The following CRIM1 variants were observed in gnomAD, a reference collection of about 807,000 sequenced individuals.
CRIM1 encodes the protein cysteine-rich motor neuron 1 protein.
CRIM1 carries 32 observed loss-of-function variants against 116.4 expected under a neutral mutation model. The observed-to-expected ratio is 0.27, with a 90% confidence interval of 0.21 to 0.37. The LOEUF (loss-of-function observed/expected upper bound fraction) is 0.37. CRIM1 is among the 10% of genes least tolerant of loss of function. The pLI, the probability that CRIM1 is intolerant of heterozygous loss-of-function variation, is 1.00. For synonymous variants in CRIM1, 590 were observed against 509.2 expected, an observed-to-expected ratio of 1.16 and a Z score of -2.13; for missense variants, 1,331 against 1,354.8, an observed-to-expected ratio of 0.98 and a Z score of 0.28.
intron 4 of CRIM1, among the ~76,000 whole-genome samples, chr2:36,452,583 C>T (rs1445163897): frequency 2.0e-5 from 3 of 152,130 alleles, no homozygotes; most frequent in Non-Finnish European, 2.9e-5. Flanking sequence ...GAAGTAAAGC[C>T]ATTGCCCATT....
At chr2:36,451,410 T>G (rs1465168735) in intron 4 of CRIM1, among the ~76,000 whole-genome samples, 1 of 152,284 alleles carries the variant, frequency 6.6e-6, no homozygotes, top group African/African-American at 2.4e-5. Context: ...ATATGCCAGC[T>G]TTAAATCCAA....
intron 12 of CRIM1, 26 bp from the exon 13 acceptor site, chr2:36,522,066 G>C: frequency 6.2e-7 from 1 of 1,601,970 alleles, no homozygotes; most frequent in Non-Finnish European, 8.6e-7. Context: ...CATCTTCTTT[G>C]CTGACCTATA....
chr2:36,441,650 T>G (rs1031705501), intron 3 of CRIM1, 150 bp downstream of exon 3: 13 of 973,390 alleles, frequency 1.3e-5, no homozygotes, highest in Non-Finnish European at 1.8e-5. Flanking sequence ...AATGGCAGCT[T>G]GACTTCTGGC....
At chr2:36,377,275 C>T (rs1036135859) in intron 1 of CRIM1, among the ~76,000 whole-genome samples, 4 of 152,226 alleles carry the variant, frequency 2.6e-5, no homozygotes, top group Admixed American at 6.5e-5. Context: ...GCATTTTACC[C>T]ACCTGTATGA....
At chr2:36,538,029 T>A (rs931288287) in intron 14 of CRIM1, among the ~76,000 whole-genome samples, 2 of 152,176 alleles carry the variant, frequency 1.3e-5, no homozygotes, top group Non-Finnish European at 2.9e-5. Flanking sequence ...ACCCATACCA[T>A]CCACGCAGCC....
chr2:36,427,102 A>T (rs916567377), intron 2 of CRIM1, among the ~76,000 whole-genome samples: 1 of 151,888 alleles, frequency 6.6e-6, no homozygotes, highest in African/African-American at 2.4e-5. Flanking sequence ...TCAGGAGGCT[A>T]AGGAAGGAGA....
chr2:36,539,902 A>G (rs1035335473), intron 14 of CRIM1, among the ~76,000 whole-genome samples: 4 of 152,188 alleles, frequency 2.6e-5, no homozygotes, highest in South Asian at 2.1e-4. Flanking sequence ...AAGTTTAGCC[A>G]TAGGTGGTTT....
At chr2:36,515,579 T>C (rs576403354) in intron 11 of CRIM1, among the ~76,000 whole-genome samples, 1 of 152,380 alleles carries the variant, frequency 6.6e-6, no homozygotes, top group South Asian at 2.1e-4. Flanking sequence ...CTTCTTGGGA[T>C]ACATGAGTAT....
intron 13 of CRIM1, among the ~76,000 whole-genome samples, chr2:36,522,813 AAAGAAG>A (rs1323325612): frequency 4.9e-5 from 7 of 142,660 alleles, no homozygotes; most frequent in East Asian, 4.1e-4. Flanking sequence ...AAAAAAAAAA[AAAGAAG>A]AAGAAGAAGA....
At chr2:36,513,855 G>A in intron 11 of CRIM1, 90 bp downstream of exon 11, 3 of 1,184,694 alleles carry the variant, frequency 2.5e-6, no homozygotes, top group African/African-American at 1.5e-5. Context: ...GGGGAGGTTG[G>A]AGGGGACAAC....
chr2:36,449,034 G>GTT, intron 4 of CRIM1, among the ~76,000 whole-genome samples: 1 of 142,190 alleles, frequency 7.0e-6, no homozygotes, highest in African/African-American at 2.6e-5. Context: ...TTTTTGACTT[G>GTT]TTTTTTTTTT....
intron 4 of CRIM1, among the ~76,000 whole-genome samples, chr2:36,457,933 T>G (rs1677273467): frequency 6.6e-6 from 1 of 152,318 alleles, no homozygotes. Flanking sequence ...TGTAGAATCC[T>G]AGTAACACAA....
chr2:36,378,533 A>AT (rs60204094), intron 1 of CRIM1: 78,105 of 335,966 alleles, frequency 0.23, 7,420 homozygotes, highest in East Asian at 0.54. Context: ...GCGGTAAGTC[A>AT]TTTTTTTTTT....
At chr2:36,467,664 G>A (rs557231245) in intron 5 of CRIM1, among the ~76,000 whole-genome samples, 1 of 152,348 alleles carries the variant, frequency 6.6e-6, no homozygotes, top group South Asian at 2.1e-4. Flanking sequence ...CCATAGAATT[G>A]TAAGTAAAAG....
At chr2:36,380,545 G>A (rs892296706) in intron 1 of CRIM1, among the ~76,000 whole-genome samples, 2 of 152,150 alleles carry the variant, frequency 1.3e-5, no homozygotes, top group Non-Finnish European at 2.9e-5. Context: ...GGGTTTGAGC[G>A]CAGAGTCTAC....
intron 13 of CRIM1, among the ~76,000 whole-genome samples, chr2:36,522,589 G>C (rs962480214): frequency 3.9e-5 from 6 of 151,980 alleles, no homozygotes; most frequent in African/African-American, 1.4e-4. Context: ...ATCACTTGAG[G>C]TCAGGAGTTC....
chr2:36,484,962 G>C (rs1679707422), intron 7 of CRIM1, among the ~76,000 whole-genome samples: 1 of 152,180 alleles, frequency 6.6e-6, no homozygotes, highest in African/African-American at 2.4e-5. Flanking sequence ...AAGTCAAAGA[G>C]TTATTTGTAG....
chr2:36,497,863 T>C (rs906079407), intron 7 of CRIM1, among the ~76,000 whole-genome samples: 2 of 152,192 alleles, frequency 1.3e-5, no homozygotes, highest in African/African-American at 4.8e-5. Context: ...CTAAAACACT[T>C]ATTTTGATCT....
At chr2:36,473,967 A>G (rs1295752759) in intron 5 of CRIM1, among the ~76,000 whole-genome samples, 1 of 152,038 alleles carries the variant, frequency 6.6e-6, no homozygotes, top group Non-Finnish European at 1.5e-5. Flanking sequence ...CATCCTCACT[A>G]AAAATCTATG....
Sources: allele counts gnomAD v4.1 joint callset (sites outside exome capture counted in the v4.1 genomes callset), GRCh38; gene constraint gnomAD v4.1.1; transcripts MANE v1.5; gene names NCBI Gene and HGNC (gene_info 2026-07-23, HGNC 2026-07-21).